The following ASH2L variants were observed in gnomAD, a reference collection of about 807,000 sequenced individuals.
The protein encoded by ASH2L is set1/Ash2 histone methyltransferase complex subunit ASH2.
Under a neutral mutation model 81.1 loss-of-function variants are expected in ASH2L, and 30 were observed. The observed-to-expected ratio is 0.37, with a 90% CI of 0.28 to 0.50. The LOEUF is 0.50. Among genes scored for constraint, ASH2L ranks in the 20% least tolerant of loss-of-function variants. The probability of loss-of-function intolerance (pLI) is 0.95; values close to 1 mark genes in which losing one functional copy is unlikely to be tolerated. For missense variants in ASH2L, 559 were observed against 792.1 expected (o/e 0.71, Z 3.53); for synonymous variants, 273 against 279.9 (o/e 0.98, Z 0.24).
Position 38,139,405 on chromosome 8 carries a change from G to A in ASH2L, c.*334G>A, listed in dbSNP as rs554157193. ...TTCTAAGGAGTGAATAATATTGTCC[G>A]AGTAACTAACTTATTTAAAAGACAT... On this transcript the variant is annotated 3_prime_UTR_variant, in exon 16 of 16. Transcript: ENST00000343823. 3.1e-5 allele frequency: 6 copies of A among 193,156 alleles called. No individual in the cohort carries two copies. Among genetic ancestry groups the A allele is most frequent in the Non-Finnish European group, 6.3e-5 (6 of 94,738 alleles). 12.0% of individuals were successfully genotyped at this position (193,156 alleles called of 1,614,324 possible).
chr8:38,105,504 G>A (rs377742234), upstream of ASH2L: 4 of 1,481,882 alleles, frequency 2.7e-6, no homozygotes, highest in Non-Finnish European at 2.7e-6. Flanking sequence ...ACAGCAACGC[G>A]CGCGAGAGAA....
intron 2 of ASH2L, 107 bp downstream of exon 2, chr8:38,106,551 A>C (rs1585560014): frequency 1.0e-6 from 1 of 957,064 alleles, no homozygotes; most frequent in South Asian, 1.6e-5. Flanking sequence ...TCTGTCGCCC[A>C]GGCTGGAATG....
chr8:38,136,336 C>T (rs1254799728), intron 14 of ASH2L, among the ~76,000 whole-genome samples: 1 of 148,736 alleles, frequency 6.7e-6, no homozygotes, highest in African/African-American at 2.5e-5. Context: ...TCCCAAAGTG[C>T]TGGGATTACA....
chr8:38,112,949 A>G (rs1360282358), intron 5 of ASH2L, among the ~76,000 whole-genome samples: 1 of 151,672 alleles, frequency 6.6e-6, no homozygotes, highest in African/African-American at 2.4e-5. Context: ...TCAGTGTGTT[A>G]TAGTCCATTG....
intron 8 of ASH2L, 101 bp downstream of exon 8, chr8:38,116,826 T>C: frequency 1.0e-6 from 1 of 964,456 alleles, no homozygotes; most frequent in Non-Finnish European, 1.5e-6. Flanking sequence ...ACCTGGATAC[T>C]TACTAAAATG....
intron 12 of ASH2L, among the ~76,000 whole-genome samples, chr8:38,129,605 A>G (rs1024226641): frequency 6.6e-6 from 1 of 152,194 alleles, no homozygotes; most frequent in Admixed American, 6.5e-5. Flanking sequence ...GTGGACACTT[A>G]CCATCACCTC....
In ASH2L at chr8:38,135,699, G is replaced by C; in HGVS notation, c.1652G>C (p.Gly551Ala). ...TTTTATAAAAATGGTGTCAATCAAG[G>C]TGTGGCTTACAAAGATATTTTTGAG... ...IIFYKNGVNQ[G>A]VAYKDIFEGV... Residue 551 changes from glycine to alanine, a missense_variant, in exon 14 of 16, where the codon GGT becomes GCT. Gly to Ala is a moderately conservative substitution (Grantham distance 60). Around this residue, in one of 4 missense-constraint regions of ASH2L, gnomAD observed 95 missense variants for 130.7 expected, o/e 0.73. Coordinates refer to ENST00000343823, the MANE Select transcript of ASH2L (RefSeq NM_004674.5). 1 of 1,612,950 alleles carries C rather than the reference G, an allele frequency of 6.2e-7. No individual in the cohort carries two copies. The highest frequency in any genetic ancestry group is 8.5e-7 in the Non-Finnish European group (1 of 1,179,302).
rs1189920570 is a variant in ASH2L, at chr8:38,139,870, C to G, written c.*799C>G. On this transcript the variant is annotated 3_prime_UTR_variant, in exon 16 of 16. Coordinates refer to ENST00000343823, the MANE Select transcript of ASH2L (RefSeq NM_004674.5). Reference sequence around the variant, plus strand: ...TTCTTGCCAATCAGCCACCCCCTTTCCTGTGAAAATCTGCCACCTTGAGGA... The same window carrying G: ...TTCTTGCCAATCAGCCACCCCCTTTGCTGTGAAAATCTGCCACCTTGAGGA... The G allele has an allele frequency of 6.6e-6, 1 of 152,118 alleles. No homozygotes were observed. Among genetic ancestry groups the G allele is most frequent in the Admixed American group, 6.6e-5 (1 of 15,266 alleles). The allele number at this position is 152,118 out of a possible 1,614,324, so 9.4% of individuals were successfully genotyped here. A position where few individuals can be genotyped will look rare whatever the true frequency, so the allele number is the denominator to read the frequency against.
At chr8:38,125,578 A>T (rs1801810950) in intron 10 of ASH2L, among the ~76,000 whole-genome samples, 1 of 150,716 alleles carries the variant, frequency 6.6e-6, no homozygotes, top group Non-Finnish European at 1.5e-5. Flanking sequence ...ATTGCACTCC[A>T]GCCTGGGCGA....
chr8:38,112,439 G>A (rs949636451), intron 5 of ASH2L, among the ~76,000 whole-genome samples: 5 of 148,790 alleles, frequency 3.4e-5, no homozygotes, highest in South Asian at 2.1e-4. Flanking sequence ...TTTTTTTTCC[G>A]CTTTAATAGG....
chr8:38,109,154 T>C (rs560835620), intron 3 of ASH2L, among the ~76,000 whole-genome samples: 1 of 152,346 alleles, frequency 6.6e-6, no homozygotes, highest in Admixed American at 6.5e-5. Context: ...GAATGTGAGC[T>C]AGCAGGGTAT....
intron 10 of ASH2L, 63 bp from the exon 11 acceptor site, chr8:38,128,228 T>A (rs1340449233): frequency 6.3e-7 from 1 of 1,582,736 alleles, no homozygotes; most frequent in Non-Finnish European, 8.6e-7. Context: ...AATGTTTTTG[T>A]GGCAATTGTC....
intron 2 of ASH2L, 54 bp from the exon 3 acceptor site, chr8:38,106,967 A>G: frequency 6.2e-7 from 1 of 1,602,158 alleles, no homozygotes; most frequent in Non-Finnish European, 8.5e-7. Flanking sequence ...AAAATAAAAT[A>G]AAGTAAAATA....
intron 5 of ASH2L, among the ~76,000 whole-genome samples, chr8:38,112,798 T>C (rs1015721280): frequency 1.3e-5 from 2 of 152,178 alleles, no homozygotes; most frequent in Non-Finnish European, 2.9e-5. Flanking sequence ...TTAGCCCCCA[T>C]TGATTATCCA....
At chr8:38,133,829 A>G (rs570037567) in intron 13 of ASH2L, among the ~76,000 whole-genome samples, 7 of 152,288 alleles carry the variant, frequency 4.6e-5, no homozygotes, top group Admixed American at 3.9e-4. Context: ...GGTGTACCCA[A>G]CAGCTCATTG....
intron 12 of ASH2L, among the ~76,000 whole-genome samples, chr8:38,132,127 G>A (rs1001749158): frequency 1.3e-5 from 2 of 152,076 alleles, no homozygotes; most frequent in Non-Finnish European, 1.5e-5. Flanking sequence ...GATTACAAGC[G>A]TGAGCCACTG....
At chr8:38,136,010 A>T (rs1802236942) in intron 14 of ASH2L, among the ~76,000 whole-genome samples, 1 of 151,298 alleles carries the variant, frequency 6.6e-6, no homozygotes, top group South Asian at 2.1e-4. Context: ...GTGTGGTGTT[A>T]CCGTTCAGTA....
At chr8:38,126,569 T>G (rs1473841646) in intron 10 of ASH2L, among the ~76,000 whole-genome samples, 1 of 151,976 alleles carries the variant, frequency 6.6e-6, no homozygotes, top group Non-Finnish European at 1.5e-5. Flanking sequence ...AGTTTGAAAT[T>G]GTTGGCCGGG....
intron 3 of ASH2L, 125 bp from the exon 4 acceptor site, chr8:38,110,254 G>C (rs1367171661): frequency 5.5e-6 from 4 of 727,126 alleles, no homozygotes; most frequent in Non-Finnish European, 9.5e-6. Flanking sequence ...CAAGTCTGCA[G>C]TGAGCTATGA....
Sources: gnomAD v4.1 joint callset for allele counts (sites outside exome capture counted in the v4.1 genomes callset) on GRCh38, gnomAD v4.1.1 for gene constraint, gnomAD v4.1.1 regional missense constraint, MANE v1.5 for transcripts, NCBI Gene and HGNC (gene_info 2026-07-23, HGNC 2026-07-21) for gene names.